Variants in SLC5A4 observed in about 807,000 individuals in gnomAD.
The protein encoded by SLC5A4 is probable glucose sensor protein SLC5A4.
Under a neutral mutation model 70.3 loss-of-function variants are expected in SLC5A4, and 55 were observed. That is an observed-to-expected ratio of 0.78 (90% CI 0.63 to 0.98). The LOEUF is 0.98. SLC5A4 is among the 50% of genes least tolerant of loss of function. The pLI is 0.00. For missense variants in SLC5A4, 735 were observed against 839.2 expected (o/e 0.88, Z 1.53); for synonymous variants, 268 against 305.7 (o/e 0.88, Z 1.29).
chr22:32,234,573 T>C (rs1372979504), intron 8 of SLC5A4, among the ~76,000 whole-genome samples: 1 of 151,876 alleles, frequency 6.6e-6, no homozygotes, highest in Admixed American at 6.6e-5. Flanking sequence ...GTGGTGCACA[T>C]CTGTAATCCC....
At chr22:32,269,610 G>C in the SLC5A4 span, 1 of 615,118 alleles carries the variant, frequency 1.6e-6, no homozygotes, top group Non-Finnish European at 3.2e-6. This position sits in a 1 kb window ranked among gnomAD's most constrained non-coding sequence, Gnocchi z 4.1. Context: ...CTGCACCCAG[G>C]CTCTGGCCGT....
rs1926306659 is a variant in SLC5A4 at position 32,239,548 on chromosome 22, A to AT, written c.478-459dup. On this transcript the variant is annotated intron_variant, in intron 5 of 14. Coordinates refer to ENST00000266086, the MANE Select transcript of SLC5A4 (RefSeq NM_014227.3). ...TATATATATATATATATATATATATATATATATATATATATATATATTTAT... is the reference window on the plus strand; with the variant it reads ...TATATATATATATATATATATATATATTATATATATATATATATATATTTAT... Among the ~76,000 whole-genome samples the AT allele has an allele frequency of 3.9e-4, 6 of 15,236 alleles. 1 individual carries two copies. The highest frequency in any genetic ancestry group is 2.0e-3 in the African/African-American group (6 of 3,060). The allele number at this position is 15,236 out of a possible 152,430, so 10.0% of individuals were successfully genotyped here.
the SLC5A4 span, among the ~76,000 whole-genome samples, chr22:32,316,108 GAAAAAAA>G: frequency 7.6e-6 from 1 of 132,020 alleles, no homozygotes; most frequent in African/African-American, 2.8e-5. Context: ...GACTCTGTCT[GAAAAAAA>G]AAAAAAAAAA....
At chr22:32,293,847 A>C in the SLC5A4 span, among the ~76,000 whole-genome samples, 1 of 152,086 alleles carries the variant, frequency 6.6e-6, no homozygotes, top group Non-Finnish European at 1.5e-5. Flanking sequence ...AAGAAGTCTT[A>C]TTTTACCTTC....
chr22:32,340,306 C>T, the SLC5A4 span, among the ~76,000 whole-genome samples: 6 of 152,232 alleles, frequency 3.9e-5, no homozygotes, highest in Non-Finnish European at 8.8e-5. Flanking sequence ...TGATCGGACA[C>T]TGTCTAGGTG....
At position 32,248,771 on chromosome 22, in the gene SLC5A4, A is replaced by G. The variant is rs1197824503; in HGVS notation, c.344T>C (p.Ile115Thr). The change falls in exon 4 of 15, where the codon ATC becomes ACC. Residue 115 changes from isoleucine (I) to threonine (T), a missense_variant. Coordinates refer to ENST00000266086, the MANE Select transcript of SLC5A4 (RefSeq NM_014227.3). ...CGACTTGATGTAGATAGGGACAAAG[A>G]TCCACCCAAGAATCAGCAACATTAC... Reference protein sequence around the residue: ...SSVMLLILGWIFVPIYIKSGV... With the variant: ...SSVMLLILGWTFVPIYIKSGV... The G allele has an allele frequency of 1.2e-6, 2 of 1,613,456 alleles. No individual in the cohort carries two copies.
At position 32,230,270 on chromosome 22, in the gene SLC5A4, C is replaced by G. The variant is rs117702119; in HGVS notation, c.1129+698G>C. ...GAAGGTGGAAGAAATGTAGCCAACC[C>G]TTGATGGAGTAGGAGATCACCTGGT... On this transcript the variant is annotated intron_variant, in intron 10 of 14. Transcript: ENST00000266086. Among the ~76,000 whole-genome samples, 681 of 152,210 alleles carry G rather than the reference C, an allele frequency of 4.5e-3. 1 individual carries two copies. Among genetic ancestry groups the G allele is most frequent in the Non-Finnish European group, 7.2e-3 (492 of 67,992 alleles).
chr22:32,340,763 G>A, the SLC5A4 span, among the ~76,000 whole-genome samples: 1 of 152,152 alleles, frequency 6.6e-6, no homozygotes, highest in Non-Finnish European at 1.5e-5. Flanking sequence ...GAGGGACAGT[G>A]GGGTGGGGTG....
the SLC5A4 span, chr22:32,327,512 AG>A: frequency 4.6e-5 from 7 of 152,462 alleles, no homozygotes; most frequent in African/African-American, 7.2e-5. Flanking sequence ...CTGCCCAGGG[AG>A]GAGCTGAAGA....
chr22:32,262,132 C>T, the SLC5A4 span, among the ~76,000 whole-genome samples: 1,969 of 152,284 alleles, frequency 0.013, 27 homozygotes, highest in South Asian at 0.065. Context: ...GCAATAAATA[C>T]GAGAGTGCAA....
At chr22:32,331,006 T>TG in the SLC5A4 span, among the ~76,000 whole-genome samples, 1 of 24,726 alleles carries the variant, frequency 4.0e-5, no homozygotes, top group Non-Finnish European at 7.8e-5. Flanking sequence ...GTGTGTGTGT[T>TG]GGGGGCTCTG....
chr22:32,294,743 C>A, the SLC5A4 span, among the ~76,000 whole-genome samples: 1 of 140,132 alleles, frequency 7.1e-6, no homozygotes, highest in Admixed American at 7.4e-5. Flanking sequence ...ATACATGTGC[C>A]ATGCTGGTGC....
the SLC5A4 span, among the ~76,000 whole-genome samples, chr22:32,353,946 G>C: frequency 3.3e-5 from 5 of 149,552 alleles, no homozygotes; most frequent in Non-Finnish European, 7.4e-5. Context: ...CAGCAACCCA[G>C]GGAGACGCCC....
chr22:32,294,389 A>T, the SLC5A4 span, among the ~76,000 whole-genome samples: 1 of 112,446 alleles, frequency 8.9e-6, no homozygotes, highest in African/African-American at 3.2e-5. Context: ...CAATTGTGAG[A>T]AGTAGTACAG....
the SLC5A4 span, among the ~76,000 whole-genome samples, chr22:32,330,129 G>C: frequency 3.3e-4 from 43 of 130,084 alleles, 1 homozygote; most frequent in South Asian, 0.012. Context: ...AGGCTCTGAT[G>C]TGTCAGGGGG....
chr22:32,310,576 C>G, the SLC5A4 span, among the ~76,000 whole-genome samples: 1 of 152,162 alleles, frequency 6.6e-6, no homozygotes, highest in Non-Finnish European at 1.5e-5. Flanking sequence ...TAATTGAGAC[C>G]CCCCAGCACA....
intron 13 of SLC5A4, among the ~76,000 whole-genome samples, chr22:32,223,072 A>G (rs569923584): frequency 1.6e-4 from 24 of 152,240 alleles, no homozygotes; most frequent in African/African-American, 5.3e-4. Flanking sequence ...TATTCTGCAC[A>G]TATTTTTCCA....
intron 5 of SLC5A4, 151 bp downstream of exon 5, chr22:32,247,260 T>C (rs1926882230): frequency 3.3e-6 from 2 of 614,274 alleles, no homozygotes; most frequent in Admixed American, 5.7e-5. Flanking sequence ...CATGAAGACT[T>C]TGAAGAGACA....
At chr22:32,249,696 C>T (rs971528224) in intron 3 of SLC5A4, among the ~76,000 whole-genome samples, 23 of 152,130 alleles carry the variant, frequency 1.5e-4, no homozygotes, top group African/African-American at 5.6e-4. Flanking sequence ...CGTCTTCTGC[C>T]GAATATGCAC....
Sources: gnomAD v4.1 joint callset for allele counts (sites outside exome capture counted in the v4.1 genomes callset) on GRCh38, gnomAD v4.1.1 for gene constraint, Gnocchi (gnomAD v3.1) non-coding constraint, MANE v1.5 for transcripts, NCBI Gene and HGNC (gene_info 2026-07-23, HGNC 2026-07-21) for gene names.